The following KCNIP4 variants were observed in gnomAD, a reference collection of about 807,000 sequenced individuals.
The protein encoded by KCNIP4 is Kv channel-interacting protein 4.
A neutral mutation model predicts 34.0 loss-of-function variants in KCNIP4; 12 were observed. The ratio of observed to expected loss-of-function variants is 0.35; its 90% CI spans 0.23 to 0.57. The LOEUF (loss-of-function observed/expected upper bound fraction) is 0.57. Ranked by LOEUF, KCNIP4 falls within the 20% of genes least tolerant of loss-of-function variation. The pLI is 0.83. For missense variants in KCNIP4, 238 were observed against 311.7 expected (o/e 0.76, Z 1.78); for synonymous variants, 124 against 102.2 (o/e 1.21, Z -1.29).
At chr4:21,379,741 C>T (rs11734872) in intron 1 of KCNIP4, among the ~76,000 whole-genome samples, 127,981 of 152,188 alleles carry the variant, frequency 0.84, 54,182 homozygotes, top group Non-Finnish European at 0.89. Flanking sequence ...ATTAGCCACC[C>T]GCCATAACTG....
At chr4:21,555,439 T>C (rs1454927908) in intron 1 of KCNIP4, among the ~76,000 whole-genome samples, 1 of 152,186 alleles carries the variant, frequency 6.6e-6, no homozygotes, top group African/African-American at 2.4e-5. Flanking sequence ...ACAGCTGTGG[T>C]CTTCAGTGGG....
chr4:21,841,769 T>C (rs1229581786), intron 1 of KCNIP4, among the ~76,000 whole-genome samples: 1 of 152,138 alleles, frequency 6.6e-6, no homozygotes, highest in African/African-American at 2.4e-5. Flanking sequence ...TTTTAAAAAA[T>C]TAGCTCTGAA....
chr4:21,169,416 T>C (rs1159365953), intron 1 of KCNIP4, among the ~76,000 whole-genome samples: 1 of 152,050 alleles, frequency 6.6e-6, no homozygotes, highest in Non-Finnish European at 1.5e-5. Flanking sequence ...CCTCCCAAAG[T>C]GCTGAGATTA....
chr4:21,117,123 G>C (rs1448090781), intron 1 of KCNIP4, among the ~76,000 whole-genome samples: 3 of 152,106 alleles, frequency 2.0e-5, no homozygotes, highest in Non-Finnish European at 4.4e-5. Context: ...GAGACTCAGA[G>C]AGCTTAGGCA....
chr4:20,760,703 G>A (rs1024519032), intron 3 of KCNIP4, among the ~76,000 whole-genome samples: 1 of 152,156 alleles, frequency 6.6e-6, no homozygotes, highest in Non-Finnish European at 1.5e-5. Context: ...TACACACTAA[G>A]CCAGTGGGGA....
At chr4:20,815,087 C>A (rs920426821) in intron 3 of KCNIP4, among the ~76,000 whole-genome samples, 1 of 152,166 alleles carries the variant, frequency 6.6e-6, no homozygotes, top group Non-Finnish European at 1.5e-5. Flanking sequence ...ATTGCTACTA[C>A]TGGCTGATCA....
At chr4:21,218,650 G>GCACAGA (rs1027055446) in intron 1 of KCNIP4, among the ~76,000 whole-genome samples, 1 of 152,108 alleles carries the variant, frequency 6.6e-6, no homozygotes, top group Non-Finnish European at 1.5e-5. Flanking sequence ...TCAGAAAAAG[G>GCACAGA]CACAGACACT....
intron 1 of KCNIP4, among the ~76,000 whole-genome samples, chr4:21,724,029 G>A (rs992903968): frequency 1.3e-5 from 2 of 152,094 alleles, no homozygotes; most frequent in African/African-American, 4.8e-5. Context: ...GTCAGGATGG[G>A]AGAATGCCAT....
intron 1 of KCNIP4, among the ~76,000 whole-genome samples, chr4:21,297,346 T>C (rs906654495): frequency 6.6e-6 from 1 of 152,082 alleles, no homozygotes; most frequent in Non-Finnish European, 1.5e-5. Context: ...CCTCAATTTA[T>C]GGCTAAGTCC....
At chr4:21,656,999 T>C (rs942908244) in intron 1 of KCNIP4, 2 of 152,238 alleles carry the variant, frequency 1.3e-5, no homozygotes, top group Admixed American at 1.3e-4. Flanking sequence ...TCCTTTCAAC[T>C]GACTAATTAA....
At chr4:21,845,076 A>G (rs1271595153) in intron 1 of KCNIP4, 1 of 151,974 alleles carries the variant, frequency 6.6e-6, no homozygotes, top group Non-Finnish European at 1.5e-5. Context: ...CTACCCACAT[A>G]TACTTACTTA....
chr4:21,109,798 T>C (rs1365929637), intron 1 of KCNIP4, among the ~76,000 whole-genome samples: 1 of 152,214 alleles, frequency 6.6e-6, no homozygotes, highest in African/African-American at 2.4e-5. Flanking sequence ...ACCATATTCT[T>C]TGTGTATTTC....
rs1480733506 is a variant in KCNIP4, at chr4:21,213,949, T to C, written c.62-331240A>G. ...GAATGTCCCATGTCTGCACAGAGTG[T>C]CGTACAGCCCAGACACTGCATTTAC... On this transcript the variant is annotated intron_variant, in intron 1 of 8. Transcript: ENST00000382152. 4.6e-5 allele frequency among the ~76,000 whole-genome samples: 7 copies of C among 152,310 alleles called. No homozygotes were observed. The South Asian group carries it at 1.0e-3, about 23-fold the overall frequency.
intron 1 of KCNIP4, among the ~76,000 whole-genome samples, chr4:21,856,688 T>C (rs1724782001): frequency 1.3e-5 from 2 of 151,974 alleles, no homozygotes; most frequent in Non-Finnish European, 2.9e-5. Context: ...AATCTGAGCA[T>C]CTCTGCACTC....
intron 1 of KCNIP4, among the ~76,000 whole-genome samples, chr4:21,478,203 C>A (rs922048205): frequency 1.3e-5 from 2 of 151,902 alleles, no homozygotes; most frequent in Non-Finnish European, 2.9e-5. Context: ...CAAATTAACA[C>A]TGAAAGATAC....
intron 1 of KCNIP4, among the ~76,000 whole-genome samples, chr4:21,690,433 C>T (rs1450862619): frequency 6.6e-6 from 1 of 152,068 alleles, no homozygotes; most frequent in Non-Finnish European, 1.5e-5. Flanking sequence ...CTAGATCCCT[C>T]ATGAATGGCT....
chr4:21,703,422 A>T (rs1445880739), intron 1 of KCNIP4, among the ~76,000 whole-genome samples: 1 of 152,188 alleles, frequency 6.6e-6, no homozygotes, highest in Non-Finnish European at 1.5e-5. Context: ...GTGCACATGG[A>T]TGAAGCTGGA....
At chr4:21,070,699 A>G (rs1744824548) in intron 1 of KCNIP4, among the ~76,000 whole-genome samples, 1 of 92,322 alleles carries the variant, frequency 1.1e-5, no homozygotes, top group Non-Finnish European at 2.0e-5. Context: ...TTTTTGAGAC[A>G]GAGTCTTGCT....
intron 1 of KCNIP4, chr4:21,850,597 A>C (rs1389370077): frequency 6.6e-6 from 1 of 152,118 alleles, no homozygotes; most frequent in Admixed American, 6.6e-5. Context: ...TAAGAAATAA[A>C]TTCCTTTTCT....
Sources: gnomAD v4.1 joint callset for allele counts (sites outside exome capture counted in the v4.1 genomes callset) on GRCh38, gnomAD v4.1.1 for gene constraint, MANE v1.5 for transcripts, NCBI Gene and HGNC (gene_info 2026-07-23, HGNC 2026-07-21) for gene names.